Variants in POU2F2 observed in about 807,000 individuals in gnomAD.
The protein encoded by POU2F2 is POU domain, class 2, transcription factor 2.
In POU2F2, 14 loss-of-function variants were observed where a neutral mutation model predicts 63.5. That is an observed-to-expected ratio of 0.22 (90% CI 0.15 to 0.34). The LOEUF (loss-of-function observed/expected upper bound fraction) is 0.34. Among genes scored for constraint, POU2F2 ranks in the 10% least tolerant of loss-of-function variants. POU2F2 has a pLI of 1.00. For missense variants in POU2F2, 607 were observed against 815.2 expected, an observed-to-expected ratio of 0.74 and a Z score of 3.11; for synonymous variants, 306 against 348.6, an observed-to-expected ratio of 0.88 and a Z score of 1.36.
intron 1 of POU2F2, among the ~76,000 whole-genome samples, chr19:42,182,658 A>G (rs2034975162): frequency 6.6e-6 from 1 of 152,188 alleles, no homozygotes. Context: ...AAGAGGAATC[A>G]CAACCTAGCT....
chr19:42,125,687 G>C (rs183924829), intron 1 of POU2F2, among the ~76,000 whole-genome samples: 1 of 152,068 alleles, frequency 6.6e-6, no homozygotes, highest in Non-Finnish European at 1.5e-5. Flanking sequence ...TCTGGCCTCC[G>C]TCCCTCCAGC....
intron 2 of POU2F2, among the ~76,000 whole-genome samples, chr19:42,141,360 T>C (rs1373352697): frequency 6.6e-6 from 1 of 152,190 alleles, no homozygotes; most frequent in African/African-American, 2.4e-5. Context: ...TGGAATCTGG[T>C]TCCTCCATTC....
chr19:42,130,125 A>C (rs1038168984), intron 1 of POU2F2, among the ~76,000 whole-genome samples: 1 of 152,078 alleles, frequency 6.6e-6, no homozygotes, highest in African/African-American at 2.4e-5. Flanking sequence ...AAAAGTATAC[A>C]AACTCACACA....
At chr19:42,100,692 A>C (rs1319234111) in intron 5 of POU2F2, among the ~76,000 whole-genome samples, 3 of 152,032 alleles carry the variant, frequency 2.0e-5, no homozygotes, top group Non-Finnish European at 2.9e-5. Context: ...CATAGGTTGC[A>C]GTGAGCCGAG....
rs992030442 is a variant in POU2F2 at position 42,089,038 on chromosome 19, A to G, written c.*2219T>C. ...GTCCGGCAGAAAGTGGAAGCTGCCC[A>G]GGCCAAAGCCCTGCGGTCTCAGGGC... On this transcript the variant is annotated 3_prime_UTR_variant, in exon 15 of 15. Coordinates refer to ENST00000692977, the MANE Select transcript of POU2F2 (RefSeq NM_001394376.1). The G allele has an allele frequency of 6.6e-6, 1 of 152,632 alleles. No homozygotes were observed. Among genetic ancestry groups the G allele is most frequent in the African/African-American group, 2.4e-5 (1 of 41,460 alleles). 9.5% of individuals were successfully genotyped at this position (152,632 alleles called of 1,614,324 possible).
In POU2F2 at chr19:42,095,639, C is replaced by CTGGGGCTGCTCAGCTGGT; in HGVS notation, c.908_925dup (p.Asn303_Pro308dup). On this transcript the variant is annotated inframe_insertion, in exon 10 of 15. Coordinates refer to ENST00000692977, the MANE Select transcript of POU2F2 (RefSeq NM_001394376.1). This position sits in a 1 kb window ranked among gnomAD's most constrained non-coding sequence, Gnocchi z 7.1. ...GCCGGGCAGGCCGTCGAAACCCAGG[C>CTGGGGCTGCTCAGCTGGT]TGGGGCTGCTCAGCTGGTTGGGGCT... 6.2e-7 allele frequency: 1 copy of CTGGGGCTGCTCAGCTGGT among 1,613,204 alleles called. No individual in the cohort carries two copies. Among genetic ancestry groups the CTGGGGCTGCTCAGCTGGT allele is most frequent in the Non-Finnish European group, 8.5e-7 (1 of 1,179,872 alleles).
chr19:42,176,081 G>GAA (rs71336805), upstream of POU2F2: 15 of 128,658 alleles, frequency 1.2e-4, no homozygotes, highest in Admixed American at 3.1e-4. Context: ...GAGAGAGAGA[G>GAA]AAAAAAAAAA....
Position 42,187,997 on chromosome 19 carries a change from C to A in POU2F2, c.-70+8386G>T, listed in dbSNP as rs934452546. Reference sequence around the variant, plus strand: ...GACTTTTTTAAATCATTCTATATTTCATTTCAAAAGTGACTCACTTCTCAT... The same window carrying A: ...GACTTTTTTAAATCATTCTATATTTAATTTCAAAAGTGACTCACTTCTCAT... On this transcript the variant is annotated intron_variant, in intron 1 of 5. Transcript: ENST00000532176. Among the ~76,000 whole-genome samples the A allele has an allele frequency of 3.9e-5, 6 of 151,940 alleles. No individual in the cohort carries two copies. The East Asian group carries it at 1.2e-3, about 29-fold the overall frequency.
At position 42,117,766 on chromosome 19, in the gene POU2F2, G is replaced by T. The variant is rs2032115534; in HGVS notation, c.187-334C>A. On this transcript the variant is annotated intron_variant, in intron 4 of 14. Coordinates refer to ENST00000692977, the MANE Select transcript of POU2F2 (RefSeq NM_001394376.1). The surrounding 1 kb of genome is among the most constrained non-coding windows in gnomAD (Gnocchi z 4.4). ...AGGTCGAGGCAGGCGGATCACTTGGGGTCAGGAGTTTGAAACCAGCCTGGC... is the reference window on the plus strand; with the variant it reads ...AGGTCGAGGCAGGCGGATCACTTGGTGTCAGGAGTTTGAAACCAGCCTGGC... Among the ~76,000 whole-genome samples the T allele has an allele frequency of 1.3e-5, 2 of 151,752 alleles. No individual in the cohort carries two copies. The highest frequency in any genetic ancestry group is 1.3e-4 in the Admixed American group (2 of 15,216).
At chr19:42,177,264 C>A, upstream of POU2F2, 1 of 155,390 alleles carries the variant, frequency 6.4e-6, no homozygotes, top group South Asian at 1.8e-4. Context: ...CGCTCCCGCT[C>A]CCGCTCCCGC....
At chr19:42,163,455 G>A (rs76055127) in intron 1 of POU2F2, among the ~76,000 whole-genome samples, 12,208 of 152,264 alleles carry the variant, frequency 0.08, 665 homozygotes, top group Middle Eastern at 0.18. Context: ...GGGGGGCAGC[G>A]GAAGGGATGA....
intron 4 of POU2F2, among the ~76,000 whole-genome samples, chr19:42,119,837 C>A (rs558604579): frequency 6.6e-6 from 1 of 152,194 alleles, no homozygotes; most frequent in East Asian, 1.9e-4. Context: ...GTGCTTTTTT[C>A]ATTGTTTCTG....
intron 2 of POU2F2, among the ~76,000 whole-genome samples, chr19:42,144,323 A>C (rs2034188019): frequency 6.6e-6 from 1 of 152,222 alleles, no homozygotes; most frequent in Non-Finnish European, 1.5e-5. Flanking sequence ...AGAAGCTGAC[A>C]AAGGGGCAAT....
At chr19:42,133,128 C>G (rs1023001117), upstream of POU2F2, 1 of 152,234 alleles carries the variant, frequency 6.6e-6, no homozygotes, top group African/African-American at 2.4e-5. The surrounding 1 kb of genome is among the most constrained non-coding windows in gnomAD (Gnocchi z 5.1). Context: ...CAATAAGTCG[C>G]CGGCCAAATG....
At position 42,096,123 on chromosome 19, in the gene POU2F2, G is replaced by T; in HGVS notation, c.688C>A (p.Arg230Ser). ...SDLEELEQFARTFKQRRIKLG... is the reference protein window; with the variant it reads ...SDLEELEQFASTFKQRRIKLG... ...TTGATGCGGCGTTGCTTGAAGGTGC[G>T]GGCGAATTGCTCCAGCTCCTCCAGA... Residue 230 changes from arginine to serine, a missense_variant, in exon 8 of 15, where the codon CGC (arginine) becomes AGC (serine). By Grantham distance (110) the Arg-to-Ser change is moderately radical (BLOSUM62 -1). Around this residue, in one of 7 missense-constraint regions of POU2F2, gnomAD observed 25 missense variants for 92.3 expected, o/e 0.27. Coordinates refer to ENST00000692977, the MANE Select transcript of POU2F2 (RefSeq NM_001394376.1). The surrounding 1 kb of genome is among the most constrained non-coding windows in gnomAD (Gnocchi z 4.1). The T allele has an allele frequency of 6.2e-7, 1 of 1,613,778 alleles. No individual in the cohort carries two copies. The highest frequency in any genetic ancestry group is 8.5e-7 in the Non-Finnish European group (1 of 1,179,836).
intron 5 of POU2F2, among the ~76,000 whole-genome samples, chr19:42,105,128 C>G (rs542095777): frequency 1.3e-5 from 2 of 152,270 alleles, no homozygotes; most frequent in Admixed American, 6.5e-5. Context: ...CAGGGCCCCC[C>G]ATTTACAGTG....
intron 5 of POU2F2, among the ~76,000 whole-genome samples, chr19:42,114,594 G>A (rs2031603372): frequency 6.6e-6 from 1 of 152,148 alleles, no homozygotes; most frequent in African/African-American, 2.4e-5. Context: ...CGGGGTGGGA[G>A]GGGCTAGAAA....
chr19:42,179,742 C>T (rs1019606941), upstream of POU2F2, among the ~76,000 whole-genome samples: 1 of 152,068 alleles, frequency 6.6e-6, no homozygotes, highest in Non-Finnish European at 1.5e-5. Context: ...ACTGGAAGTG[C>T]GTAACATAAA....
intron 2 of POU2F2, among the ~76,000 whole-genome samples, chr19:42,148,243 A>G (rs1338427361): frequency 1.3e-5 from 2 of 151,734 alleles, no homozygotes; most frequent in Non-Finnish European, 2.9e-5. Context: ...CCTTTCCCAC[A>G]TGGCCCAGAG....
Sources: allele counts gnomAD v4.1 joint callset (sites outside exome capture counted in the v4.1 genomes callset), GRCh38; gene constraint gnomAD v4.1.1; regional missense constraint gnomAD v4.1.1; non-coding constraint Gnocchi (gnomAD v3.1); transcripts MANE v1.5; gene names NCBI Gene and HGNC (gene_info 2026-07-23, HGNC 2026-07-21).